AKR1B1: variants seen among roughly 807,000 people sequenced by gnomAD.
AKR1B1 encodes the protein aldo-keto reductase family 1 member B.
In AKR1B1, 22 loss-of-function variants were observed where a neutral mutation model predicts 40.4. That is an observed-to-expected ratio of 0.54 (90% CI 0.39 to 0.78). The LOEUF (loss-of-function observed/expected upper bound fraction) is 0.78. Ranked by LOEUF, AKR1B1 falls within the 30% of genes least tolerant of loss-of-function variation. The pLI is 0.00. For missense variants in AKR1B1, 357 were observed against 396.7 expected, an observed-to-expected ratio of 0.90 and a Z score of 0.85; for synonymous variants, 157 against 149.9, an observed-to-expected ratio of 1.05 and a Z score of -0.35.
At chr7:134,447,479 G>T in intron 7 of AKR1B1, 98 bp from the exon 8 acceptor site, 1 of 1,041,792 alleles carries the variant, frequency 9.6e-7, no homozygotes. Context: ...GGACGTGCTA[G>T]AACTCCACAG....
chr7:134,450,636 C>T (rs1319947237), intron 3 of AKR1B1, 150 bp downstream of exon 3: 3 of 737,164 alleles, frequency 4.1e-6, no homozygotes, highest in Non-Finnish European at 7.4e-6. Flanking sequence ...AAGACGCTCC[C>T]AGGTGATGCC....
At chr7:134,454,716 G>A (rs1180261740) in intron 1 of AKR1B1, among the ~76,000 whole-genome samples, 2 of 152,168 alleles carry the variant, frequency 1.3e-5, no homozygotes, top group Non-Finnish European at 2.9e-5. Context: ...AAGGGGAGGG[G>A]GCAAAGGAAA....
intron 2 of AKR1B1, chr7:134,451,337 C>T (rs929642192): frequency 2.7e-5 from 16 of 583,836 alleles, no homozygotes; most frequent in African/African-American, 5.6e-5. Flanking sequence ...AAAGGGAGGG[C>T]CAATCCACAA....
Position 134,445,232 on chromosome 7 carries a change from A to C in AKR1B1, c.908+6T>G, listed in dbSNP as rs1412280106. 1.2e-6 allele frequency: 2 copies of C among 1,609,496 alleles called. No individual in the cohort carries two copies. Among genetic ancestry groups the C allele is most frequent in the Non-Finnish European group, 1.7e-6 (2 of 1,178,598 alleles). ...GGAACTGCTCCTCACACTGGGGCTCACTCACCTCAACAAGGCACAGACCCT... is the reference window on the plus strand; with the variant it reads ...GGAACTGCTCCTCACACTGGGGCTCCCTCACCTCAACAAGGCACAGACCCT... On this transcript the variant is annotated splice_donor_region_variant and intron_variant, in intron 9 of 9. Coordinates refer to ENST00000285930, the MANE Select transcript of AKR1B1 (RefSeq NM_001628.4).
intron 3 of AKR1B1, among the ~76,000 whole-genome samples, 180 bp downstream of exon 3, chr7:134,450,606 G>T (rs535803116): frequency 6.6e-6 from 1 of 152,322 alleles, no homozygotes; most frequent in Non-Finnish European, 1.5e-5. Flanking sequence ...GCCTGCGTGG[G>T]GCCCGAGACT....
rs2117455051 is a variant in AKR1B1, at chr7:134,449,774, C to T, written c.375G>A (p.Leu125=). 6.2e-7 allele frequency: 1 copy of T among 1,614,006 alleles called. No individual in the cohort carries two copies. The highest frequency in any genetic ancestry group is 8.5e-7 in the Non-Finnish European group (1 of 1,179,920). The part of the protein sequence containing the change: ...GFKPGKEFFP[L]DESGNVVPSD... ...TGGGAACCACATTGCCCGACTCATC[C>T]AATGGGAAAAATTCCTTCCCAGGCT... Residue 125 remains leucine, a synonymous_variant, in exon 4 of 10, where the codon TTG becomes TTA. Transcript: ENST00000285930.
chr7:134,457,645 CTGT>C (rs2117468571), intron 1 of AKR1B1, among the ~76,000 whole-genome samples: 1 of 152,310 alleles, frequency 6.6e-6, no homozygotes, highest in South Asian at 2.1e-4. Flanking sequence ...TCAGTTCTTT[CTGT>C]TGTTTTCTTC....
At position 134,448,988 on chromosome 7, in the gene AKR1B1, G is replaced by T. The variant is rs759072459; in HGVS notation, c.552+9C>A. Reference sequence around the variant, plus strand: ...CGTTGCAATGCCAGTGTCGTTGGGGGATGTTTACCTGGTTAACTGCAGGCT... The same window carrying T: ...CGTTGCAATGCCAGTGTCGTTGGGGTATGTTTACCTGGTTAACTGCAGGCT... On this transcript the variant is annotated intron_variant, in intron 5 of 9. Transcript: ENST00000285930. 1.8e-5 allele frequency: 29 copies of T among 1,614,022 alleles called. No homozygotes were observed. Among genetic ancestry groups the T allele is most frequent in the Non-Finnish European group, 2.4e-5 (28 of 1,179,986 alleles).
In AKR1B1 at chr7:134,442,491, T is replaced by C. The variant is rs1805966895; in HGVS notation, c.*237A>G. 1 of 497,254 alleles carries C rather than the reference T, an allele frequency of 2.0e-6. No individual in the cohort carries two copies. Among genetic ancestry groups the C allele is most frequent in the Non-Finnish European group, 3.6e-6 (1 of 276,198 alleles). The allele number at this position is 497,254 out of a possible 1,614,324, so 30.8% of individuals were successfully genotyped here. On this transcript the variant is annotated 3_prime_UTR_variant, in exon 10 of 10. Transcript: ENST00000285930. ...GCTTCTCTTTGGTCAGAAAAGGGTATTCAGGTTGTACTTTCCCCAGCAGGG... is the reference window on the plus strand; with the variant it reads ...GCTTCTCTTTGGTCAGAAAAGGGTACTCAGGTTGTACTTTCCCCAGCAGGG...
chr7:134,451,459 G>A (rs186828999), intron 2 of AKR1B1, 127 bp downstream of exon 2: 25 of 1,215,434 alleles, frequency 2.1e-5, no homozygotes, highest in East Asian at 1.4e-4. Flanking sequence ...TGGGTGATAC[G>A]TTTCCCCGGG....
chr7:134,447,519 G>T, intron 7 of AKR1B1, 138 bp from the exon 8 acceptor site: 2 of 777,490 alleles, frequency 2.6e-6, no homozygotes, highest in Non-Finnish European at 4.5e-6. Flanking sequence ...AAGATGTCAG[G>T]TCACAGCTAG....
chr7:134,448,638 A>C, intron 5 of AKR1B1, 145 bp from the exon 6 acceptor site: 2 of 728,636 alleles, frequency 2.7e-6, no homozygotes, highest in East Asian at 5.3e-5. Context: ...ATAAGCTGTA[A>C]CTTCCTACAG....
intron 1 of AKR1B1, among the ~76,000 whole-genome samples, chr7:134,452,136 T>C (rs1428512047): frequency 1.3e-5 from 2 of 152,218 alleles, no homozygotes; most frequent in Non-Finnish European, 2.9e-5. Context: ...TATCTCAAAA[T>C]ATTTCAAAAA....
At chr7:134,455,968 TCAC>T (rs2117466036) in intron 1 of AKR1B1, among the ~76,000 whole-genome samples, 1 of 152,290 alleles carries the variant, frequency 6.6e-6, no homozygotes, top group Non-Finnish European at 1.5e-5. Flanking sequence ...CCTGAAACCC[TCAC>T]CTGAGAAGAG....
At chr7:134,452,427 G>T (rs1806316194) in intron 1 of AKR1B1, among the ~76,000 whole-genome samples, 1 of 152,188 alleles carries the variant, frequency 6.6e-6, no homozygotes, top group South Asian at 2.1e-4. Context: ...GAAACGAGGG[G>T]GAATGTGGAT....
chr7:134,442,822 A>T (rs1334700493), intron 9 of AKR1B1, 52 bp from the exon 10 acceptor site: 1 of 1,527,882 alleles, frequency 6.5e-7, no homozygotes, highest in African/African-American at 1.4e-5. Context: ...GATTTTGACT[A>T]TACCCAACTC....
In AKR1B1 at chr7:134,459,056, T is replaced by C. The variant is rs770560951; in HGVS notation, c.7A>G (p.Ser3Gly). The change falls in exon 1 of 10, where the codon AGC becomes GGC. Residue 3 changes from serine (S) to glycine (G), a missense_variant. By Grantham distance (56) the Ser-to-Gly change is moderately conservative. Coordinates refer to ENST00000285930, the MANE Select transcript of AKR1B1 (RefSeq NM_001628.4). MA[S>G]RLLLNNGAKM... is the part of the protein sequence containing the mutation. ...GCGCCGTTGTTGAGCAGGAGACGGC[T>C]TGCCATGGCTGCTGCGCTCCCCAGA... The C allele has an allele frequency of 1.9e-6, 3 of 1,604,686 alleles. No homozygotes were observed. Among genetic ancestry groups the C allele is most frequent in the South Asian group, 1.1e-5 (1 of 88,806 alleles).
intron 4 of AKR1B1, chr7:134,449,340 A>C (rs1343659372): frequency 3.2e-6 from 2 of 620,996 alleles, no homozygotes; most frequent in Admixed American, 2.6e-5. Context: ...TAATCCCAGC[A>C]CTTTGGGAGG....
Position 134,459,093 on chromosome 7 carries a change from T to A in AKR1B1, c.-31A>T. On this transcript the variant is annotated 5_prime_UTR_variant, in exon 1 of 10. Transcript: ENST00000285930. ...CTGCGCTCCCCAGACCCCCGCCCAG[T>A]ACGGTGCGGCCTTGGCCGCGGCGCG... is the stretch of plus-strand genomic sequence containing the variant. 1.9e-6 allele frequency: 3 copies of A among 1,590,300 alleles called. No homozygotes were observed. The highest frequency in any genetic ancestry group is 2.6e-6 in the Non-Finnish European group (3 of 1,169,088).
Sources: allele counts gnomAD v4.1 joint callset (sites outside exome capture counted in the v4.1 genomes callset), GRCh38; gene constraint gnomAD v4.1.1; transcripts MANE v1.5; gene names NCBI Gene and HGNC (gene_info 2026-07-23, HGNC 2026-07-21).